The following ZBTB40 variants were observed in gnomAD, a reference collection of about 807,000 sequenced individuals.
The protein encoded by ZBTB40 is zinc finger and BTB domain containing 40.
Under a neutral mutation model 117.5 loss-of-function variants are expected in ZBTB40, and 60 were observed. The observed-to-expected ratio is 0.51, with a 90% confidence interval of 0.41 to 0.63. The LOEUF (loss-of-function observed/expected upper bound fraction) is 0.63, where lower values mean the gene tolerates loss of function less well. Ranked by LOEUF, ZBTB40 falls within the 30% of genes least tolerant of loss-of-function variation. The pLI, the probability that ZBTB40 is intolerant of heterozygous loss-of-function variation, is 0.00. For missense variants in ZBTB40, 1,287 were observed against 1,498.5 expected (o/e 0.86, Z 2.33); for synonymous variants, 525 against 577.1 (o/e 0.91, Z 1.29).
chr1:22,482,096 A>T (rs569477811), intron 1 of ZBTB40, among the ~76,000 whole-genome samples: 1 of 152,164 alleles, frequency 6.6e-6, no homozygotes, highest in African/African-American at 2.4e-5. Context: ...ACTGTTCTTC[A>T]TTTGTTTAAA....
At position 22,520,124 on chromosome 1, in the gene ZBTB40, G is replaced by A. The variant is rs1202835462; in HGVS notation, c.2897G>A (p.Arg966Gln). Residue 966 changes from arginine to glutamine, a missense_variant, in exon 14 of 18, where the codon CGG (arginine) becomes CAG (glutamine). Arg to Gln is a conservative substitution (Grantham distance 43). Around this residue, in one of 2 missense-constraint regions of ZBTB40, gnomAD observed 417 missense variants for 564.1 expected, o/e 0.74. Transcript: ENST00000375647. ...AGTTTCCCCACTCTTCAGGATCACCGGAAGCACATCCATGAGGTGCACTCC... is the reference window on the plus strand; with the variant it reads ...AGTTTCCCCACTCTTCAGGATCACCAGAAGCACATCCATGAGGTGCACTCC... ...RMSFPTLQDH[R>Q]KHIHEVHSKE... The A allele has an allele frequency of 4.3e-6, 7 of 1,614,040 alleles. No homozygotes were observed. Among genetic ancestry groups the A allele is most frequent in the African/African-American group, 1.3e-5 (1 of 74,898 alleles).
intron 7 of ZBTB40, 68 bp downstream of exon 7, chr1:22,508,205 C>T (rs1639126794): frequency 6.6e-7 from 1 of 1,518,656 alleles, no homozygotes; most frequent in Non-Finnish European, 9.0e-7. Flanking sequence ...TATGAATACA[C>T]ACACACATTT....
At position 22,501,499 on chromosome 1, in the gene ZBTB40, T is replaced by G; in HGVS notation, c.839T>G (p.Val280Gly). The change falls in exon 4 of 18, where the codon GTG becomes GGG. Residue 280 changes from valine to glycine, a missense_variant. Transcript: ENST00000375647. ...GGTACTTTTGTTCCATAGATGATAG[T>G]GAAATGTTTCGAGGGTGAAGGAGGA... Reference protein sequence around the residue: ...EIKGPQKEMIVKCFEGEGGHS... With the variant: ...EIKGPQKEMIGKCFEGEGGHS... 4 of 1,614,102 alleles carry G rather than the reference T, an allele frequency of 2.5e-6. No homozygotes were observed. Among genetic ancestry groups the G allele is most frequent in the Non-Finnish European group, 3.4e-6 (4 of 1,179,988 alleles).
At chr1:22,445,094 T>TTTCC (rs1322740663) in intron 1 of ZBTB40, among the ~76,000 whole-genome samples, 1 of 152,142 alleles carries the variant, frequency 6.6e-6, no homozygotes, top group Non-Finnish European at 1.5e-5. Flanking sequence ...CTTGAATACA[T>TTTCC]TTCCTATGGC....
chr1:22,496,384 G>A (rs1039437413), intron 3 of ZBTB40, among the ~76,000 whole-genome samples: 1 of 152,070 alleles, frequency 6.6e-6, no homozygotes, highest in African/African-American at 2.4e-5. Flanking sequence ...ACACTACGTT[G>A]CCTGGGAGGC....
intron 1 of ZBTB40, among the ~76,000 whole-genome samples, chr1:22,436,074 A>C (rs1050287980): frequency 9.2e-5 from 14 of 152,200 alleles, no homozygotes; most frequent in Non-Finnish European, 7.3e-5. Context: ...AAATGATACA[A>C]CCACTTTGGA....
chr1:22,514,074 A>G (rs1386965308), intron 12 of ZBTB40, among the ~76,000 whole-genome samples: 1 of 152,116 alleles, frequency 6.6e-6, no homozygotes, highest in Non-Finnish European at 1.5e-5. Context: ...CGCCCGTTAC[A>G]ATGCAGATTG....
In ZBTB40 at chr1:22,513,026, T is replaced by G; in HGVS notation, c.2564T>G (p.Leu855Arg). The G allele has an allele frequency of 6.2e-7, 1 of 1,614,132 alleles. No homozygotes were observed. The highest frequency in any genetic ancestry group is 8.5e-7 in the Non-Finnish European group (1 of 1,180,022). ...GCCAATTCCACCCTGAAGAACCACCTTCGCCTTCACACCGGGGACCGCCCG... is the reference window on the plus strand; with the variant it reads ...GCCAATTCCACCCTGAAGAACCACCGTCGCCTTCACACCGGGGACCGCCCG... The part of the protein sequence containing the change: ...FAANSTLKNH[L>R]RLHTGDRPFM... The change falls in exon 12 of 18, where the codon CTT becomes CGT. Residue 855 changes from leucine (L) to arginine (R), a missense_variant. Around this residue, in one of 2 missense-constraint regions of ZBTB40, gnomAD observed 417 missense variants for 564.1 expected, o/e 0.74. Transcript: ENST00000375647. This position sits in a 1 kb window ranked among gnomAD's most constrained non-coding sequence, Gnocchi z 4.9.
chr1:22,440,268 A>G (rs753573421), intron 1 of ZBTB40, among the ~76,000 whole-genome samples: 1 of 152,194 alleles, frequency 6.6e-6, no homozygotes, highest in East Asian at 1.9e-4. Context: ...ATCTGCAAAT[A>G]GAGGTAATTT....
chr1:22,512,154 G>A lies in ZBTB40; in HGVS notation c.2461+20G>A, dbSNP rs780608010. On this transcript the variant is annotated intron_variant, in intron 11 of 17. Transcript: ENST00000375647. ...CCTCAGGTACGTTCAAGAAGGCAAA[G>A]GAACAGAGGATGATAATTGTGGGTT... The A allele has an allele frequency of 8.7e-6, 14 of 1,611,890 alleles. No homozygotes were observed. Among genetic ancestry groups the A allele is most frequent in the African/African-American group, 2.7e-5 (2 of 74,876 alleles).
chr1:22,496,874 G>T (rs1045951223), intron 3 of ZBTB40, among the ~76,000 whole-genome samples: 5 of 152,194 alleles, frequency 3.3e-5, no homozygotes, highest in African/African-American at 1.2e-4. Flanking sequence ...ACGATAGGCC[G>T]TCTGTACCTT....
At chr1:22,505,678 G>A (rs1213125827) in intron 5 of ZBTB40, among the ~76,000 whole-genome samples, 31 of 152,152 alleles carry the variant, frequency 2.0e-4, no homozygotes, top group Non-Finnish European at 4.4e-5. Flanking sequence ...TTATCAATCT[G>A]TGTTTCTCAA....
intron 1 of ZBTB40, among the ~76,000 whole-genome samples, chr1:22,442,611 C>T (rs1401871973): frequency 1.3e-5 from 2 of 152,110 alleles, no homozygotes; most frequent in Admixed American, 6.5e-5. Context: ...TTTCTTGTGA[C>T]CTCCCCCATG....
At chr1:22,507,937 CCTGGAGTCTT>C in intron 6 of ZBTB40, 54 bp from the exon 7 acceptor site, 1 of 1,612,018 alleles carries the variant, frequency 6.2e-7, no homozygotes, top group Non-Finnish European at 8.5e-7. Flanking sequence ...TTGGTAATAT[CCTGGAGTCTT>C]CTGTAGGAGG....
chr1:22,474,861 G>T (rs1641516999), intron 1 of ZBTB40, among the ~76,000 whole-genome samples: 2 of 151,396 alleles, frequency 1.3e-5, no homozygotes, highest in African/African-American at 4.9e-5. Flanking sequence ...GTCCCTTTCA[G>T]CTTTCTGGTT....
intron 5 of ZBTB40, among the ~76,000 whole-genome samples, chr1:22,505,612 T>A (rs1639057099): frequency 6.6e-6 from 1 of 152,208 alleles, no homozygotes; most frequent in Non-Finnish European, 1.5e-5. Context: ...AATTATAACC[T>A]ATGCTAATAT....
chr1:22,454,184 C>G (rs1045056759), intron 1 of ZBTB40, among the ~76,000 whole-genome samples: 1 of 152,162 alleles, frequency 6.6e-6, no homozygotes, highest in Non-Finnish European at 1.5e-5. Flanking sequence ...AAGTCTTGAC[C>G]TCAAGTGATC....
At chr1:22,518,620 A>G (rs1185315535) in intron 13 of ZBTB40, among the ~76,000 whole-genome samples, 3 of 152,136 alleles carry the variant, frequency 2.0e-5, no homozygotes, top group Non-Finnish European at 4.4e-5. Flanking sequence ...TTATGTAAAC[A>G]CATCCAAGTC....
chr1:22,429,871 T>C (rs1365493844), intron 1 of ZBTB40, among the ~76,000 whole-genome samples: 3 of 152,162 alleles, frequency 2.0e-5, no homozygotes, highest in Non-Finnish European at 4.4e-5. Context: ...GGCGCACACC[T>C]GTAATTCCAG....
Sources: allele counts gnomAD v4.1 joint callset (sites outside exome capture counted in the v4.1 genomes callset), GRCh38; gene constraint gnomAD v4.1.1; regional missense constraint gnomAD v4.1.1; non-coding constraint Gnocchi (gnomAD v3.1); transcripts MANE v1.5; gene names NCBI Gene and HGNC (gene_info 2026-07-23, HGNC 2026-07-21).